ST6GALNAC3: variants seen among roughly 807,000 people sequenced by gnomAD.
The protein encoded by ST6GALNAC3 is alpha-N-acetylgalactosaminide alpha-2,6-sialyltransferase 3.
In ST6GALNAC3, 25 loss-of-function variants were observed where a neutral mutation model predicts 32.7. The observed-to-expected ratio is 0.76, with a 90% CI of 0.56 to 1.07. The LOEUF is 1.07. Among genes scored for constraint, ST6GALNAC3 ranks in the 50% least tolerant of loss-of-function variants. The pLI is 0.00. For missense variants in ST6GALNAC3, 355 were observed against 382.4 expected (o/e 0.93, Z 0.60); for synonymous variants, 129 against 133.1 (o/e 0.97, Z 0.21).
At chr1:76,198,616 A>G (rs1654342727) in intron 1 of ST6GALNAC3, among the ~76,000 whole-genome samples, 1 of 152,148 alleles carries the variant, frequency 6.6e-6, no homozygotes, top group African/African-American at 2.4e-5. Context: ...ATGGTGGAGG[A>G]GAGAGAGGAA....
intron 1 of ST6GALNAC3, among the ~76,000 whole-genome samples, chr1:76,298,011 G>T (rs1184638053): frequency 6.6e-6 from 1 of 151,984 alleles, no homozygotes; most frequent in East Asian, 1.9e-4. Flanking sequence ...CAATTGAAAA[G>T]TATGGAATTT....
intron 1 of ST6GALNAC3, among the ~76,000 whole-genome samples, chr1:76,103,706 T>G (rs747524932): frequency 6.6e-6 from 1 of 152,158 alleles, no homozygotes; most frequent in Non-Finnish European, 1.5e-5. Flanking sequence ...CTTGCCTCTT[T>G]TAGTTTCTAG....
chr1:76,166,853 G>A (rs528058294), intron 1 of ST6GALNAC3, among the ~76,000 whole-genome samples: 7 of 152,164 alleles, frequency 4.6e-5, no homozygotes, highest in Non-Finnish European at 1.0e-4. Flanking sequence ...CATTTATTTT[G>A]TAACCTGAGA....
At chr1:76,171,516 A>C (rs1652494544) in intron 1 of ST6GALNAC3, among the ~76,000 whole-genome samples, 1 of 151,858 alleles carries the variant, frequency 6.6e-6, no homozygotes, top group African/African-American at 2.4e-5. Context: ...TTTTTTGAAA[A>C]AATTAACGAA....
chr1:76,113,601 T>A (rs2100814356), intron 1 of ST6GALNAC3, among the ~76,000 whole-genome samples: 1 of 152,178 alleles, frequency 6.6e-6, no homozygotes, highest in South Asian at 2.1e-4. Context: ...TAAGATGATG[T>A]AATGACCTCA....
intron 1 of ST6GALNAC3, among the ~76,000 whole-genome samples, chr1:76,092,099 A>G (rs1251575): frequency 0.37 from 56,642 of 151,928 alleles, 12,175 homozygotes; most frequent in African/African-American, 0.59. Context: ...TCATAAGACC[A>G]TCCTATAGAC....
intron 3 of ST6GALNAC3, among the ~76,000 whole-genome samples, chr1:76,516,286 A>T (rs1488898766): frequency 6.6e-6 from 1 of 152,218 alleles, no homozygotes; most frequent in Admixed American, 6.5e-5. Context: ...ATAGATATAC[A>T]TACATACATG....
At chr1:76,611,241 T>G (rs1647912696) in intron 3 of ST6GALNAC3, among the ~76,000 whole-genome samples, 3 of 151,620 alleles carry the variant, frequency 2.0e-5, no homozygotes, top group African/African-American at 7.2e-5. Flanking sequence ...ATTTTAAAAA[T>G]TATTATATTA....
intron 3 of ST6GALNAC3, among the ~76,000 whole-genome samples, chr1:76,561,877 G>C (rs1468348234): frequency 6.6e-6 from 1 of 152,124 alleles, no homozygotes; most frequent in East Asian, 1.9e-4. Flanking sequence ...CTGATTAATG[G>C]ATTGAAAAAT....
chr1:76,197,284 C>T (rs72996566), intron 1 of ST6GALNAC3, among the ~76,000 whole-genome samples: 13,837 of 152,228 alleles, frequency 0.091, 703 homozygotes, highest in African/African-American at 0.14. Context: ...CCTACATTCA[C>T]TTAACAAATA....
chr1:76,463,694 G>T (rs953594756), intron 3 of ST6GALNAC3, among the ~76,000 whole-genome samples: 12 of 152,052 alleles, frequency 7.9e-5, no homozygotes, highest in Admixed American at 7.9e-4. Context: ...CCTACCGCAG[G>T]GTTTGGATTC....
At chr1:76,116,312 G>C (rs910406047) in intron 1 of ST6GALNAC3, among the ~76,000 whole-genome samples, 1 of 152,152 alleles carries the variant, frequency 6.6e-6, no homozygotes, top group African/African-American at 2.4e-5. Context: ...CTATGAGCTA[G>C]GAGTGTTCTG....
At chr1:76,460,034 T>C (rs1386597652) in intron 3 of ST6GALNAC3, among the ~76,000 whole-genome samples, 1 of 152,202 alleles carries the variant, frequency 6.6e-6, no homozygotes, top group Non-Finnish European at 1.5e-5. Context: ...AGTAAGTCTA[T>C]GTTTAATTTA....
At chr1:76,557,138 G>A (rs982144519) in intron 3 of ST6GALNAC3, among the ~76,000 whole-genome samples, 5 of 151,730 alleles carry the variant, frequency 3.3e-5, no homozygotes, top group African/African-American at 9.7e-5. Flanking sequence ...CCCCCTCCCC[G>A]ACCCTCACCA....
chr1:76,485,043 A>G (rs139769221), intron 3 of ST6GALNAC3, among the ~76,000 whole-genome samples: 151,707 of 152,338 alleles, frequency 1, 75,541 homozygotes, highest in South Asian at 1. Context: ...TGCATACGTC[A>G]AACCAGCCTT....
chr1:76,396,923 A>G (rs1346326920), intron 2 of ST6GALNAC3, among the ~76,000 whole-genome samples: 1 of 152,182 alleles, frequency 6.6e-6, no homozygotes, highest in Non-Finnish European at 1.5e-5. Context: ...AAAGGGTAGT[A>G]ATTTTCAGTT....
intron 3 of ST6GALNAC3, among the ~76,000 whole-genome samples, chr1:76,605,684 G>A (rs546324416): frequency 1.9e-3 from 287 of 151,916 alleles, no homozygotes; most frequent in African/African-American, 6.8e-3. Context: ...GGCCAACATG[G>A]CGAAACCCCG....
chr1:76,574,301 G>A (rs1340817713), intron 3 of ST6GALNAC3, among the ~76,000 whole-genome samples: 1 of 151,952 alleles, frequency 6.6e-6, no homozygotes, highest in East Asian at 1.9e-4. Context: ...CTTGTTTCTA[G>A]ATATTTTATA....
chr1:76,457,984 A>G (rs1347631872), intron 3 of ST6GALNAC3, among the ~76,000 whole-genome samples: 1 of 150,060 alleles, frequency 6.7e-6, no homozygotes, highest in African/African-American at 2.5e-5. Flanking sequence ...CAACCTACTC[A>G]TCTGACAAAG....
Sources: allele counts gnomAD v4.1 joint callset (sites outside exome capture counted in the v4.1 genomes callset), GRCh38; gene constraint gnomAD v4.1.1; transcripts MANE v1.5; gene names NCBI Gene and HGNC (gene_info 2026-07-23, HGNC 2026-07-21).